Variants in ZNF469 observed in about 807,000 individuals in gnomAD.
ZNF469 encodes zinc finger protein 469.
In ZNF469, 1 loss-of-function variant was observed where a neutral mutation model predicts 1.0. The observed-to-expected ratio is 1.00, with a 90% CI of 0.35 to 4.73. The LOEUF (loss-of-function observed/expected upper bound fraction) is 4.73. Ranked by LOEUF, ZNF469 falls within the 30% of genes most tolerant of loss-of-function variation. ZNF469 has a pLI of 0.16. For synonymous variants in ZNF469, 2,703 were observed against 2,363.4 expected (o/e 1.14, Z -4.17); for missense variants, 6,100 against 5,356.3 (o/e 1.14, Z -4.33).
At chr16:88,409,137 G>A (rs929106275) in intron 1 of ZNF469, among the ~76,000 whole-genome samples, 1 of 152,232 alleles carries the variant, frequency 6.6e-6, no homozygotes, top group Non-Finnish European at 1.5e-5. Flanking sequence ...CCGGGAGTGC[G>A]GCCTGGAGTT....
At chr16:88,165,390 G>A in the ZNF469 span, among the ~76,000 whole-genome samples, 1 of 152,196 alleles carries the variant, frequency 6.6e-6, no homozygotes. Context: ...ATTGAGGGAG[G>A]ACATTGCTGC....
chr16:88,195,784 T>C, the ZNF469 span, among the ~76,000 whole-genome samples: 6 of 152,168 alleles, frequency 3.9e-5, no homozygotes, highest in Admixed American at 6.5e-5. Context: ...GAGTCTCTCA[T>C]TGGTCCCCCA....
the ZNF469 span, among the ~76,000 whole-genome samples, chr16:88,162,097 T>C: frequency 6.6e-6 from 1 of 152,188 alleles, no homozygotes; most frequent in Non-Finnish European, 1.5e-5. Context: ...AGATGGTACG[T>C]ACACAAATAG....
chr16:88,279,090 G>A, the ZNF469 span, among the ~76,000 whole-genome samples: 28 of 134,992 alleles, frequency 2.1e-4, 3 homozygotes, highest in Non-Finnish European at 2.4e-4. Flanking sequence ...GCGCCATGCC[G>A]ACACTTGGTC....
chr16:88,225,735 G>A, the ZNF469 span, among the ~76,000 whole-genome samples: 1 of 152,152 alleles, frequency 6.6e-6, no homozygotes, highest in African/African-American at 2.4e-5. Context: ...CATCACATGA[G>A]GACACACAGG....
the ZNF469 span, among the ~76,000 whole-genome samples, chr16:88,227,997 G>A: frequency 6.5e-3 from 990 of 152,312 alleles, 8 homozygotes; most frequent in Middle Eastern, 0.01. Flanking sequence ...CGCATCCATC[G>A]TTACAGGGCG....
At chr16:88,190,125 C>T in the ZNF469 span, among the ~76,000 whole-genome samples, 3 of 150,862 alleles carry the variant, frequency 2.0e-5, no homozygotes, top group South Asian at 4.2e-4. Context: ...GACCAGTGGA[C>T]GGGTCTCAAG....
At chr16:88,314,448 G>C in the ZNF469 span, among the ~76,000 whole-genome samples, 52,298 of 67,128 alleles carry the variant, frequency 0.78, 19,571 homozygotes, top group East Asian at 0.89. Flanking sequence ...GGCAGTGCTG[G>C]TGTGGACTGT....
chr16:88,380,319 TCA>T (rs1491006450), upstream of ZNF469, among the ~76,000 whole-genome samples: 1 of 67,342 alleles, frequency 1.5e-5, no homozygotes, highest in South Asian at 5.1e-4. Flanking sequence ...AGACATGCAC[TCA>T]CACATGCACT....
the ZNF469 span, among the ~76,000 whole-genome samples, chr16:88,311,120 A>G: frequency 2.6e-5 from 4 of 152,212 alleles, no homozygotes; most frequent in South Asian, 8.3e-4. Context: ...TCATCCCTCA[A>G]TTGGGATTGT....
chr16:88,262,260 A>G, the ZNF469 span, among the ~76,000 whole-genome samples: 19 of 152,298 alleles, frequency 1.2e-4, no homozygotes, highest in East Asian at 3.5e-3. This position sits in a 1 kb window ranked among gnomAD's most constrained non-coding sequence, Gnocchi z 4.3. Context: ...AACACCCTGA[A>G]ATAACAGAAG....
At chr16:88,330,680 G>C in the ZNF469 span, among the ~76,000 whole-genome samples, 1 of 152,200 alleles carries the variant, frequency 6.6e-6, no homozygotes, top group Non-Finnish European at 1.5e-5. Context: ...GGAGGTGAGA[G>C]ACTTCTGCCC....
At chr16:88,269,943 C>T in the ZNF469 span, among the ~76,000 whole-genome samples, 1 of 152,094 alleles carries the variant, frequency 6.6e-6, no homozygotes, top group African/African-American at 2.4e-5. Flanking sequence ...GGAGCCCCGG[C>T]TCCTTTAGAG....
the ZNF469 span, among the ~76,000 whole-genome samples, chr16:88,320,479 G>A: frequency 6.6e-6 from 1 of 152,134 alleles, no homozygotes; most frequent in Admixed American, 6.5e-5. Context: ...TGCCTCACAG[G>A]TTCAAGCAAT....
chr16:88,156,293 T>A, the ZNF469 span, among the ~76,000 whole-genome samples: 1 of 152,248 alleles, frequency 6.6e-6, no homozygotes. Context: ...GTGTCATATA[T>A]AAGAAACCAT....
At chr16:88,126,004 C>A in the ZNF469 span, among the ~76,000 whole-genome samples, 1 of 151,488 alleles carries the variant, frequency 6.6e-6, no homozygotes, top group Non-Finnish European at 1.5e-5. Flanking sequence ...GCCTGGGCAA[C>A]ATGGTGAAAC....
chr16:88,308,198 G>T, the ZNF469 span, among the ~76,000 whole-genome samples: 1 of 152,264 alleles, frequency 6.6e-6, no homozygotes, highest in Non-Finnish European at 1.5e-5. Context: ...ATCAATCTGC[G>T]TATCTGTGTT....
chr16:88,172,280 C>T, the ZNF469 span, among the ~76,000 whole-genome samples: 1 of 152,112 alleles, frequency 6.6e-6, no homozygotes, highest in African/African-American at 2.4e-5. Context: ...AAACACCCAC[C>T]CGAAAGGAGC....
the ZNF469 span, among the ~76,000 whole-genome samples, chr16:88,244,334 T>C: frequency 4.0e-5 from 6 of 150,426 alleles, no homozygotes; most frequent in African/African-American, 1.5e-4. Context: ...GGTGGATGAG[T>C]GGGTTAGTGG....
Sources: allele counts gnomAD v4.1 joint callset (sites outside exome capture counted in the v4.1 genomes callset), GRCh38; gene constraint gnomAD v4.1.1; non-coding constraint Gnocchi (gnomAD v3.1); transcripts MANE v1.5; gene names NCBI Gene and HGNC (gene_info 2026-07-23, HGNC 2026-07-21).